The following SGIP1 variants were observed in gnomAD, a reference collection of about 807,000 sequenced individuals.
The protein encoded by SGIP1 is SH3GL interacting endocytic adaptor 1.
A neutral mutation model predicts 107.5 loss-of-function variants in SGIP1; 38 were observed. That is an observed-to-expected ratio of 0.35 (90% CI 0.27 to 0.46). The LOEUF (loss-of-function observed/expected upper bound fraction) is 0.46, where lower values mean the gene tolerates loss of function less well. SGIP1 is among the 20% of genes least tolerant of loss of function. The probability of loss-of-function intolerance (pLI) is 1.00; values close to 1 mark genes in which losing one functional copy is unlikely to be tolerated. For missense variants in SGIP1, 929 were observed against 1,019.5 expected (o/e 0.91, Z 1.21); for synonymous variants, 365 against 366.1 (o/e 1.00, Z 0.03).
chr1:66,740,689 A>C lies in SGIP1; in HGVS notation c.2266A>C (p.Ile756Leu), dbSNP rs767913295. The change falls in exon 23 of 25, where the codon ATT (isoleucine) becomes CTT (leucine). Residue 756 changes from isoleucine to leucine, a missense_variant. Transcript: ENST00000371037. ...NAEQQRILWK[I>L]PDISQKSENG... The stretch of plus-strand genomic sequence containing the variant: ...TGAACAACAGAGAATATTGTGGAAG[A>C]TTCCTGATATCTCTCAGAAGTCAGA... 8.7e-6 allele frequency: 14 copies of C among 1,608,832 alleles called. No individual in the cohort carries two copies. Among genetic ancestry groups the C allele is most frequent in the Non-Finnish European group, 1.1e-5 (13 of 1,176,442 alleles).
chr1:66,633,673 A>T (rs2075247315), intron 3 of SGIP1, among the ~76,000 whole-genome samples: 1 of 152,144 alleles, frequency 6.6e-6, no homozygotes, highest in Non-Finnish European at 1.5e-5. Context: ...TTGCTTTTTA[A>T]AGAAGTCCGT....
chr1:66,662,534 T>C (rs2081715455), intron 8 of SGIP1, among the ~76,000 whole-genome samples: 1 of 152,226 alleles, frequency 6.6e-6, no homozygotes, highest in African/African-American at 2.4e-5. Flanking sequence ...TGCCGTGTCA[T>C]AGAAGAACAG....
intron 1 of SGIP1, among the ~76,000 whole-genome samples, chr1:66,548,236 A>G (rs1490526302): frequency 6.6e-6 from 1 of 151,672 alleles, no homozygotes; most frequent in Admixed American, 6.6e-5. Context: ...TTTTTATTTT[A>G]TTTTTTTGAG....
intron 15 of SGIP1, among the ~76,000 whole-genome samples, chr1:66,683,180 C>T (rs2087206033): frequency 6.6e-6 from 1 of 152,176 alleles, no homozygotes; most frequent in Non-Finnish European, 1.5e-5. Context: ...AAAGCAATAT[C>T]AATATTTTCA....
At chr1:66,666,751 A>G (rs2082643048) in intron 8 of SGIP1, 1 of 152,190 alleles carries the variant, frequency 6.6e-6, no homozygotes, top group African/African-American at 2.4e-5. Context: ...ATGGGAGTTC[A>G]CTCATGATTT....
chr1:66,699,972 T>A (rs2091630596), intron 18 of SGIP1, among the ~76,000 whole-genome samples: 1 of 152,186 alleles, frequency 6.6e-6, no homozygotes, highest in Non-Finnish European at 1.5e-5. Flanking sequence ...ATTTACCATG[T>A]GTAAAGCAGC....
chr1:66,621,773 A>C (rs904925805), intron 1 of SGIP1, among the ~76,000 whole-genome samples: 1 of 152,224 alleles, frequency 6.6e-6, no homozygotes, highest in Non-Finnish European at 1.5e-5. Context: ...AGCCTGTATA[A>C]GTACTTTTTT....
Position 66,748,466 on chromosome 1 carries a change from A to G in SGIP1, c.*5371A>G, listed in dbSNP as rs567834143. 6.4e-4 allele frequency among the ~76,000 whole-genome samples: 98 copies of G among 152,066 alleles called. 1 individual carries two copies. The highest frequency in any genetic ancestry group is 2.2e-3 in the African/African-American group (90 of 41,558). On this transcript the variant is annotated 3_prime_UTR_variant, in exon 25 of 25. Coordinates refer to ENST00000371037, the MANE Select transcript of SGIP1 (RefSeq NM_032291.4). The stretch of plus-strand genomic sequence containing the variant: ...ACCTCTTGATTGGCCCTCACATTTA[A>G]TATCTGATTTCTCTCCTAAATGGGT...
intron 1 of SGIP1, among the ~76,000 whole-genome samples, chr1:66,621,135 C>T (rs2070978864): frequency 6.6e-6 from 1 of 152,126 alleles, no homozygotes; most frequent in Admixed American, 6.5e-5. Context: ...TTATGAAAAG[C>T]TTTTTGCAAA....
At chr1:66,665,274 C>T (rs1255539227) in intron 8 of SGIP1, among the ~76,000 whole-genome samples, 1 of 152,148 alleles carries the variant, frequency 6.6e-6, no homozygotes, top group Non-Finnish European at 1.5e-5. Context: ...TTTCCAGCTT[C>T]ATCCATGTCC....
At chr1:66,705,519 A>G (rs1300490464) in intron 18 of SGIP1, among the ~76,000 whole-genome samples, 1 of 152,056 alleles carries the variant, frequency 6.6e-6, no homozygotes, top group Non-Finnish European at 1.5e-5. Flanking sequence ...AATGTCAGTT[A>G]CTCCTTTCCT....
chr1:66,627,764 ATACTT>A (rs1345154259), intron 2 of SGIP1, among the ~76,000 whole-genome samples: 9 of 152,122 alleles, frequency 5.9e-5, no homozygotes, highest in African/African-American at 2.2e-4. Flanking sequence ...TTTCTTTCTT[ATACTT>A]TAAGTTCTAG....
intron 14 of SGIP1, among the ~76,000 whole-genome samples, chr1:66,680,421 A>G (rs1310460708): frequency 6.6e-6 from 1 of 152,228 alleles, no homozygotes; most frequent in Non-Finnish European, 1.5e-5. Context: ...AATAGCTGTT[A>G]TGTGCCTGGG....
At chr1:66,641,591 C>T (rs1412693477) in intron 5 of SGIP1, among the ~76,000 whole-genome samples, 3 of 152,196 alleles carry the variant, frequency 2.0e-5, no homozygotes, top group African/African-American at 2.4e-5. Flanking sequence ...TGAGAAATGG[C>T]GTCTGATTTC....
chr1:66,673,740 C>T (rs1273882504), intron 12 of SGIP1, among the ~76,000 whole-genome samples: 1 of 152,160 alleles, frequency 6.6e-6, no homozygotes, highest in Non-Finnish European at 1.5e-5. Context: ...CCGTCATTGT[C>T]GCTGTCGTTG....
At chr1:66,728,129 T>G (rs2093843501) in intron 19 of SGIP1, among the ~76,000 whole-genome samples, 1 of 152,158 alleles carries the variant, frequency 6.6e-6, no homozygotes, top group South Asian at 2.1e-4. Context: ...TTTGACCAAA[T>G]AGACAAATTA....
At chr1:66,609,418 A>T (rs2067499992) in intron 1 of SGIP1, among the ~76,000 whole-genome samples, 1 of 152,176 alleles carries the variant, frequency 6.6e-6, no homozygotes, top group Admixed American at 6.5e-5. Flanking sequence ...AGAAGCAAAT[A>T]TGTAGAGCAC....
At chr1:66,564,002 A>G (rs931624677) in intron 1 of SGIP1, among the ~76,000 whole-genome samples, 2 of 152,040 alleles carry the variant, frequency 1.3e-5, no homozygotes, top group Admixed American at 6.6e-5. Flanking sequence ...AAGCAATCAT[A>G]TAGTTCAACA....
intron 1 of SGIP1, among the ~76,000 whole-genome samples, chr1:66,610,328 T>A (rs2067706332): frequency 6.6e-6 from 1 of 152,182 alleles, no homozygotes; most frequent in South Asian, 2.1e-4. Flanking sequence ...TACACATATA[T>A]ACCTCTCATA....
Sources: gnomAD v4.1 joint callset for allele counts (sites outside exome capture counted in the v4.1 genomes callset) on GRCh38, gnomAD v4.1.1 for gene constraint, MANE v1.5 for transcripts, NCBI Gene and HGNC (gene_info 2026-07-23, HGNC 2026-07-21) for gene names.